Variants in LIPA observed in about 807,000 individuals in gnomAD.
LIPA encodes the protein lipase A, lysosomal acid type, also known as lysosomal acid lipase/cholesteryl ester hydrolase.
LIPA carries 26 observed loss-of-function variants against 40.6 expected under a neutral mutation model. The observed-to-expected ratio is 0.64, with a 90% CI of 0.47 to 0.89. The LOEUF is 0.89. Among genes scored for constraint, LIPA ranks in the 40% least tolerant of loss-of-function variants. The pLI is 0.00. For missense variants in LIPA, 455 were observed against 479.6 expected (o/e 0.95, Z 0.48); for synonymous variants, 188 against 168.4 (o/e 1.12, Z -0.90).
chr10:89,287,879 C>T lies in LIPA; in HGVS notation c.-1-40230G>A, dbSNP rs1020132753. Among the ~76,000 whole-genome samples, 4 of 152,180 alleles carry T rather than the reference C, an allele frequency of 2.6e-5. No homozygotes were observed. In the East Asian group the frequency reaches 7.7e-4, roughly 29 times the overall value. Reference sequence around the variant, plus strand: ...GTTTTGCCTATCCACCCTGTAGTGCCCAACTCGTACACTCTTTTGTCCTCA... The same window carrying T: ...GTTTTGCCTATCCACCCTGTAGTGCTCAACTCGTACACTCTTTTGTCCTCA... On this transcript the variant is annotated intron_variant, in intron 1 of 5. Coordinates refer to the LIPA transcript ENST00000282673.
chr10:89,384,538 GA>G, intron 2 of LIPA: 1 of 1,613,904 alleles, frequency 6.2e-7, no homozygotes, highest in Non-Finnish European at 8.5e-7. Flanking sequence ...TTTGAAAATA[GA>G]AAAAATGTCC....
chr10:89,379,681 A>C (rs1373424259), intron 2 of LIPA, among the ~76,000 whole-genome samples: 2 of 152,140 alleles, frequency 1.3e-5, no homozygotes, highest in East Asian at 3.8e-4. Flanking sequence ...GGATTGCAAA[A>C]AAATTCACCA....
At chr10:89,292,661 T>TC (rs1299813115) in intron 1 of LIPA, among the ~76,000 whole-genome samples, 3 of 152,162 alleles carry the variant, frequency 2.0e-5, no homozygotes, top group Non-Finnish European at 4.4e-5. Flanking sequence ...CTAACATAAT[T>TC]CCTTTTTCTT....
chr10:89,228,674 A>C (rs1169756373), intron 3 of LIPA, among the ~76,000 whole-genome samples: 1 of 152,278 alleles, frequency 6.6e-6, no homozygotes, highest in East Asian at 1.9e-4. Flanking sequence ...TATATTTTTA[A>C]GAAATTATAA....
At chr10:89,282,635 C>T (rs772192542) in intron 1 of LIPA, among the ~76,000 whole-genome samples, 3 of 151,342 alleles carry the variant, frequency 2.0e-5, no homozygotes, top group Non-Finnish European at 2.9e-5. Flanking sequence ...AGCGAAACTC[C>T]GTCTCAAAAA....
At chr10:89,304,154 G>A (rs983637708) in intron 1 of LIPA, among the ~76,000 whole-genome samples, 12 of 152,120 alleles carry the variant, frequency 7.9e-5, no homozygotes, top group Admixed American at 3.9e-4. Context: ...ACAAAAATAG[G>A]ATGGAAAATA....
chr10:89,232,347 T>C (rs885561), intron 3 of LIPA, among the ~76,000 whole-genome samples: 90,576 of 152,006 alleles, frequency 0.6, 27,241 homozygotes, highest in African/African-American at 0.66. Context: ...ATGAGTAAGG[T>C]GACTTGACTT....
At chr10:89,286,436 G>T (rs1400132629) in intron 1 of LIPA, among the ~76,000 whole-genome samples, 2 of 152,038 alleles carry the variant, frequency 1.3e-5, no homozygotes, top group African/African-American at 4.8e-5. Context: ...ACCCAGTCCA[G>T]CTTCCAGTTT....
At chr10:89,260,536 G>A (rs1445258356) in intron 1 of LIPA, among the ~76,000 whole-genome samples, 1 of 152,172 alleles carries the variant, frequency 6.6e-6, no homozygotes, top group Non-Finnish European at 1.5e-5. Context: ...TTGCCAGCAG[G>A]GGGCAGCAGT....
chr10:89,237,153 G>A (rs1842915032), intron 3 of LIPA, among the ~76,000 whole-genome samples: 1 of 152,152 alleles, frequency 6.6e-6, no homozygotes, highest in African/African-American at 2.4e-5. Context: ...GTTGGCACAT[G>A]TCTGTAGTCC....
upstream of LIPA, among the ~76,000 whole-genome samples, chr10:89,343,667 A>C (rs1275035542): frequency 1.3e-5 from 2 of 152,194 alleles, no homozygotes; most frequent in Non-Finnish European, 1.5e-5. Flanking sequence ...GCTACAGTGA[A>C]GAAGTATGAG....
rs931586599 is a variant in LIPA, at chr10:89,216,427, TAGAG to T, written c.895-422_895-419del. On this transcript the variant is annotated intron_variant, in intron 8 of 9. Coordinates refer to ENST00000336233, the MANE Select transcript of LIPA (RefSeq NM_000235.4). ...TATATATACATATATATATATATAA[TAGAG>T]AGAGAGAGAGAGAGATGGATATATA... Among the ~76,000 whole-genome samples the T allele has an allele frequency of 6.9e-4, 97 of 140,902 alleles. 1 individual carries two copies. Among genetic ancestry groups the T allele is most frequent in the South Asian group, 2.9e-3 (13 of 4,498 alleles). The allele number at this position is 140,902 out of a possible 152,430, so 92.4% of individuals were successfully genotyped here.
intron 1 of LIPA, among the ~76,000 whole-genome samples, chr10:89,249,652 C>T (rs985490299): frequency 6.6e-6 from 1 of 152,150 alleles, no homozygotes; most frequent in African/African-American, 2.4e-5. Context: ...AAAGTACTGT[C>T]TGATCCCATT....
At chr10:89,241,477 A>G (rs1028392081) in intron 3 of LIPA, among the ~76,000 whole-genome samples, 1 of 152,244 alleles carries the variant, frequency 6.6e-6, no homozygotes, top group African/African-American at 2.4e-5. Context: ...TTCAAAAAAT[A>G]GTTTCTTTAG....
chr10:89,389,444 A>G (rs1195777878), intron 2 of LIPA, among the ~76,000 whole-genome samples: 1 of 152,228 alleles, frequency 6.6e-6, no homozygotes, highest in African/African-American at 2.4e-5. Flanking sequence ...GAGAAGCCCA[A>G]GGAAGTAGTA....
At chr10:89,320,624 G>A (rs1309638976) in intron 1 of LIPA, among the ~76,000 whole-genome samples, 5 of 151,676 alleles carry the variant, frequency 3.3e-5, no homozygotes, top group East Asian at 1.9e-4. Flanking sequence ...AATCAATATC[G>A]TGAAAATGGC....
intron 2 of LIPA, among the ~76,000 whole-genome samples, chr10:89,400,620 A>C (rs1189211955): frequency 6.6e-6 from 1 of 152,066 alleles, no homozygotes; most frequent in Non-Finnish European, 1.5e-5. Flanking sequence ...TTTCATGTAG[A>C]TTTTGTATCC....
intron 2 of LIPA, among the ~76,000 whole-genome samples, chr10:89,394,628 A>ATATATATATATATATATAT (rs1491430146): frequency 7.1e-5 from 2 of 28,150 alleles, no homozygotes; most frequent in African/African-American, 5.6e-4. Context: ...ATATATATAT[A>ATATATATATATATATATAT]AAACTTGAAT....
At chr10:89,226,191 C>T (rs2254747) in intron 5 of LIPA, among the ~76,000 whole-genome samples, 118,696 of 152,022 alleles carry the variant, frequency 0.78, 47,056 homozygotes, top group East Asian at 0.92. Context: ...CCATTTTTTT[C>T]CTGGCAATAT....
Sources: allele counts gnomAD v4.1 joint callset (sites outside exome capture counted in the v4.1 genomes callset), GRCh38; gene constraint gnomAD v4.1.1; transcripts MANE v1.5; gene names NCBI Gene and HGNC (gene_info 2026-07-23, HGNC 2026-07-21).